Variants in FAM163A observed in about 807,000 individuals in gnomAD.
The protein encoded by FAM163A is family with sequence similarity 163 member A, also known as protein FAM163A.
In FAM163A, 7 loss-of-function variants were observed where a neutral mutation model predicts 12.0. The ratio of observed to expected loss-of-function variants is 0.58; its 90% CI spans 0.33 to 1.10. The LOEUF (loss-of-function observed/expected upper bound fraction) is 1.10. Ranked by LOEUF, FAM163A falls within the 50% of genes least tolerant of loss-of-function variation. FAM163A has a pLI of 0.03. For synonymous variants in FAM163A, 101 were observed against 91.0 expected (o/e 1.11, Z -0.62); for missense variants, 202 against 218.6 (o/e 0.92, Z 0.48).
intron 1 of FAM163A, among the ~76,000 whole-genome samples, chr1:179,800,539 C>T (rs1028518860): frequency 3.3e-5 from 5 of 152,238 alleles, no homozygotes; most frequent in Admixed American, 1.3e-4. Context: ...ACAGAGACTG[C>T]AGAGTCACCC....
chr1:179,751,706 G>GA (rs1017075436), intron 1 of FAM163A, among the ~76,000 whole-genome samples: 1 of 151,138 alleles, frequency 6.6e-6, no homozygotes, highest in Non-Finnish European at 1.5e-5. Context: ...AGAAGAAAAA[G>GA]AAAAAAAAGC....
the FAM163A span, among the ~76,000 whole-genome samples, chr1:179,733,754 T>G: frequency 5.9e-5 from 9 of 152,140 alleles, no homozygotes; most frequent in Non-Finnish European, 1.2e-4. Context: ...GTCCCACACA[T>G]CCACAAATTC....
chr1:179,787,944 C>A (rs942446466), intron 1 of FAM163A, among the ~76,000 whole-genome samples: 2 of 152,196 alleles, frequency 1.3e-5, no homozygotes, highest in African/African-American at 4.8e-5. Context: ...ACAAAGCGAC[C>A]TGGATGTCAA....
At chr1:179,754,872 C>T (rs4469684) in intron 1 of FAM163A, among the ~76,000 whole-genome samples, 35,938 of 151,926 alleles carry the variant, frequency 0.24, 4,854 homozygotes, top group East Asian at 0.62. Flanking sequence ...CGCCGTGGCT[C>T]ATGCCTGTAA....
At chr1:179,813,524 C>T (rs1314308527) in intron 4 of FAM163A, among the ~76,000 whole-genome samples, 1 of 152,142 alleles carries the variant, frequency 6.6e-6, no homozygotes. Context: ...GCCCTGTCCT[C>T]AATATGATGT....
intron 1 of FAM163A, among the ~76,000 whole-genome samples, chr1:179,782,671 A>C (rs1008938052): frequency 1.3e-5 from 2 of 152,200 alleles, no homozygotes; most frequent in Non-Finnish European, 2.9e-5. Flanking sequence ...CCACCCTGCC[A>C]GGCACCTTCT....
chr1:179,805,722 C>G (rs868131588), intron 1 of FAM163A, among the ~76,000 whole-genome samples: 10 of 152,202 alleles, frequency 6.6e-5, no homozygotes, highest in South Asian at 2.1e-4. Context: ...ACCACCCGCC[C>G]AGGAGCTGCT....
chr1:179,730,782 A>C, the FAM163A span, among the ~76,000 whole-genome samples: 9 of 152,210 alleles, frequency 5.9e-5, no homozygotes, highest in East Asian at 1.5e-3. Flanking sequence ...AAAAGGCACT[A>C]ATTTGCATTC....
intron 1 of FAM163A, among the ~76,000 whole-genome samples, chr1:179,800,190 G>T (rs578052645): frequency 6.6e-6 from 1 of 152,228 alleles, no homozygotes; most frequent in Admixed American, 6.5e-5. Context: ...AGCCCAAGGG[G>T]CCCACAGCCA....
intron 1 of FAM163A, among the ~76,000 whole-genome samples, chr1:179,776,253 T>C (rs941670011): frequency 5.3e-5 from 8 of 151,962 alleles, no homozygotes; most frequent in African/African-American, 1.9e-4. Flanking sequence ...CGGCACTTTG[T>C]TGGGTGGCCG....
At chr1:179,747,319 C>T (rs1684623470) in intron 1 of FAM163A, among the ~76,000 whole-genome samples, 1 of 152,228 alleles carries the variant, frequency 6.6e-6, no homozygotes, top group Non-Finnish European at 1.5e-5. Flanking sequence ...ATGCCCGGCT[C>T]AGTTCCCCCT....
intron 1 of FAM163A, among the ~76,000 whole-genome samples, chr1:179,746,830 G>A (rs907533626): frequency 1.3e-5 from 2 of 152,186 alleles, no homozygotes; most frequent in Admixed American, 6.5e-5. Flanking sequence ...AGACTGCACA[G>A]TGCCCATAGT....
At chr1:179,759,636 A>G (rs1686518087) in intron 1 of FAM163A, among the ~76,000 whole-genome samples, 1 of 152,028 alleles carries the variant, frequency 6.6e-6, no homozygotes. Flanking sequence ...AGGGAGGTGC[A>G]AGGTGGGACT....
chr1:179,743,697 G>C (rs1020405735), intron 1 of FAM163A, among the ~76,000 whole-genome samples: 3 of 152,186 alleles, frequency 2.0e-5, no homozygotes, highest in African/African-American at 7.2e-5. Context: ...GGGGCGCGGC[G>C]ACTCGGGGGC....
intron 1 of FAM163A, among the ~76,000 whole-genome samples, chr1:179,776,476 G>A (rs1260669769): frequency 2.0e-5 from 3 of 150,036 alleles, no homozygotes; most frequent in African/African-American, 4.9e-5. Context: ...GGACGAAAGA[G>A]CAAGACTCCA....
chr1:179,812,747 C>T (rs1694871903), intron 3 of FAM163A, among the ~76,000 whole-genome samples: 1 of 152,206 alleles, frequency 6.6e-6, no homozygotes, highest in Non-Finnish European at 1.5e-5. Flanking sequence ...GCCCCGCAAT[C>T]AGCGGCAGCT....
intron 1 of FAM163A, among the ~76,000 whole-genome samples, chr1:179,806,695 C>A (rs955926408): frequency 7.9e-5 from 12 of 152,192 alleles, no homozygotes; most frequent in African/African-American, 2.9e-4. Context: ...CCAGGGGGGG[C>A]CTTTCCTCTG....
chr1:179,797,423 G>T (rs570009477), intron 1 of FAM163A, among the ~76,000 whole-genome samples: 1 of 152,234 alleles, frequency 6.6e-6, no homozygotes, highest in African/African-American at 2.4e-5. Context: ...ACTCACGCCA[G>T]CCCAGGCAAC....
chr1:179,734,690 T>C, the FAM163A span, among the ~76,000 whole-genome samples: 2 of 152,250 alleles, frequency 1.3e-5, no homozygotes, highest in Admixed American at 1.3e-4. Flanking sequence ...CACCTCCAAA[T>C]ACCATCACCT....
Sources: allele counts gnomAD v4.1 joint callset (sites outside exome capture counted in the v4.1 genomes callset), GRCh38; gene constraint gnomAD v4.1.1; transcripts MANE v1.5; gene names NCBI Gene and HGNC (gene_info 2026-07-23, HGNC 2026-07-21).